TRHDE: variants seen among roughly 807,000 people sequenced by gnomAD.
TRHDE encodes thyrotropin releasing hormone degrading enzyme.
In TRHDE, 72 loss-of-function variants were observed where a neutral mutation model predicts 125.7. The ratio of observed to expected loss-of-function variants is 0.57; its 90% CI spans 0.47 to 0.70. The LOEUF is 0.70. TRHDE is among the 30% of genes least tolerant of loss of function. The pLI is 0.00. For synonymous variants in TRHDE, 509 were observed against 509.1 expected, an observed-to-expected ratio of 1.00 and a Z score of 0.00; for missense variants, 1,110 against 1,327.1, an observed-to-expected ratio of 0.84 and a Z score of 2.54.
At chr12:72,461,362 G>A (rs1243206477) in intron 3 of TRHDE, among the ~76,000 whole-genome samples, 2 of 152,104 alleles carry the variant, frequency 1.3e-5, no homozygotes, top group Non-Finnish European at 2.9e-5. Flanking sequence ...TACCTAACTG[G>A]TTTATGAGTA....
At chr12:72,638,636 C>T (rs1006893785) in intron 15 of TRHDE, among the ~76,000 whole-genome samples, 10 of 152,014 alleles carry the variant, frequency 6.6e-5, no homozygotes, top group African/African-American at 2.4e-4. Flanking sequence ...TTTGCAGCGG[C>T]TGGTACCGGT....
intron 1 of TRHDE, among the ~76,000 whole-genome samples, chr12:72,100,980 G>A (rs531139957): frequency 5.3e-5 from 8 of 152,274 alleles, no homozygotes; most frequent in South Asian, 2.1e-4. Flanking sequence ...AGCTGCATGC[G>A]ATGTACCCAA....
chr12:72,379,478 C>A (rs1872047724), intron 3 of TRHDE, among the ~76,000 whole-genome samples: 1 of 152,188 alleles, frequency 6.6e-6, no homozygotes. Context: ...ACCTCATTTG[C>A]ATGGAAGGTG....
At position 72,266,825 on chromosome 12, in the gene TRHDE, T is replaced by C. The variant is rs568079722; in HGVS notation, n.280-111170T>C. Among the ~76,000 whole-genome samples the C allele has an allele frequency of 3.3e-5, 5 of 152,198 alleles. No individual in the cohort carries two copies. The East Asian group carries it at 7.7e-4, about 23-fold the overall frequency. On this transcript the variant is annotated intron_variant and non_coding_transcript_variant, in intron 2 of 4. Transcript: ENST00000548156. The stretch of plus-strand genomic sequence containing the variant: ...CTGCCATCTACTAATTAAATGACTC[T>C]GGCCAAGATATTTAATCTTTTTCAG...
intron 2 of TRHDE, among the ~76,000 whole-genome samples, chr12:72,326,952 C>T (rs1222256066): frequency 2.6e-5 from 4 of 152,064 alleles, no homozygotes; most frequent in African/African-American, 9.6e-5. Context: ...ATATCTATAT[C>T]TATCTACACC....
chr12:72,290,349 C>G (rs536799579), intron 2 of TRHDE, among the ~76,000 whole-genome samples: 2 of 152,324 alleles, frequency 1.3e-5, no homozygotes, highest in African/African-American at 4.8e-5. Context: ...CTTTGCTTTG[C>G]TTCTCTGCAA....
At chr12:72,194,789 T>C (rs1877406988) in intron 2 of TRHDE, among the ~76,000 whole-genome samples, 1 of 152,132 alleles carries the variant, frequency 6.6e-6, no homozygotes, top group South Asian at 2.1e-4. Context: ...TTGATGGGTG[T>C]TTAGATTGAC....
At chr12:72,571,251 G>T (rs1242352698) in intron 10 of TRHDE, among the ~76,000 whole-genome samples, 1 of 152,036 alleles carries the variant, frequency 6.6e-6, no homozygotes, top group African/African-American at 2.4e-5. Context: ...AATGAAAACT[G>T]TTTTTCCACA....
chr12:72,492,455 C>T (rs537583259), intron 5 of TRHDE, among the ~76,000 whole-genome samples: 6 of 151,860 alleles, frequency 4.0e-5, no homozygotes, highest in Non-Finnish European at 8.8e-5. Flanking sequence ...TTCTAATTTT[C>T]ACAAATATGG....
chr12:72,626,182 G>C (rs576558789), intron 15 of TRHDE, among the ~76,000 whole-genome samples: 39 of 152,054 alleles, frequency 2.6e-4, no homozygotes, highest in African/African-American at 8.9e-4. Context: ...TGTTTTCAGA[G>C]TTGAGACACT....
At chr12:72,376,148 C>T (rs1302820454) in intron 2 of TRHDE, among the ~76,000 whole-genome samples, 1 of 152,116 alleles carries the variant, frequency 6.6e-6, no homozygotes, top group Non-Finnish European at 1.5e-5. Flanking sequence ...GTTCTCTTGC[C>T]TCAAGGCAGT....
intron 2 of TRHDE, among the ~76,000 whole-genome samples, chr12:72,362,063 T>G: frequency 1.2e-5 from 1 of 86,678 alleles, no homozygotes; most frequent in Non-Finnish European, 2.3e-5. Flanking sequence ...TTTATAGTCC[T>G]TTGGGTATAT....
intron 3 of TRHDE, among the ~76,000 whole-genome samples, chr12:72,399,581 A>G (rs1165221006): frequency 6.6e-6 from 1 of 152,180 alleles, no homozygotes; most frequent in Non-Finnish European, 1.5e-5. Flanking sequence ...ACTGATTTTT[A>G]TCATGAAAAA....
At chr12:72,340,593 C>T (rs1870037633) in intron 2 of TRHDE, among the ~76,000 whole-genome samples, 1 of 152,096 alleles carries the variant, frequency 6.6e-6, no homozygotes, top group South Asian at 2.1e-4. Context: ...AGGGACTCAA[C>T]TTCACTCTAT....
chr12:72,130,065 G>C (rs1875825466), intron 2 of TRHDE, among the ~76,000 whole-genome samples: 1 of 152,310 alleles, frequency 6.6e-6, no homozygotes, highest in South Asian at 2.1e-4. Flanking sequence ...ACTTTAGGGG[G>C]CTGAGGTGGG....
intron 15 of TRHDE, among the ~76,000 whole-genome samples, chr12:72,636,405 T>G (rs1465016179): frequency 7.9e-5 from 12 of 151,672 alleles, no homozygotes; most frequent in Non-Finnish European, 1.5e-4. Flanking sequence ...GATTTTGGGC[T>G]GAGACAATGG....
At position 72,667,293 on chromosome 12, in the gene TRHDE, T is replaced by C. The variant is rs889801788; in HGVS notation, c.*4098T>C. On this transcript the variant is annotated 3_prime_UTR_variant, in exon 19 of 19. Coordinates refer to ENST00000261180, the MANE Select transcript of TRHDE (RefSeq NM_013381.3). ...CTAATAAAGAAATAGTAAAAGCACA[T>C]ATAATGAAAAATAATTAAGATTTCT... The C allele has an allele frequency of 6.6e-6, 1 of 151,858 alleles. No homozygotes were observed. Among genetic ancestry groups the C allele is most frequent in the African/African-American group, 2.4e-5 (1 of 41,436 alleles). 9.4% of individuals were successfully genotyped at this position (151,858 alleles called of 1,614,324 possible). A position where few individuals can be genotyped will look rare whatever the true frequency, so the allele number is the denominator to read the frequency against.
At chr12:72,568,953 A>C (rs941366627) in intron 10 of TRHDE, among the ~76,000 whole-genome samples, 1 of 152,204 alleles carries the variant, frequency 6.6e-6, no homozygotes, top group African/African-American at 2.4e-5. Flanking sequence ...ACATGTAATT[A>C]AAATATAATT....
Position 72,550,766 on chromosome 12 carries a change from T to A in TRHDE, c.1788+8410T>A, listed in dbSNP as rs575911546. Among the ~76,000 whole-genome samples, 4 of 152,068 alleles carry A rather than the reference T, an allele frequency of 2.6e-5. No homozygotes were observed. In the South Asian group the frequency reaches 8.3e-4, roughly 31 times the overall value. On this transcript the variant is annotated intron_variant, in intron 7 of 18. Coordinates refer to ENST00000261180, the MANE Select transcript of TRHDE (RefSeq NM_013381.3). ...TTCATATATATTTTTAGGAGCATAG[T>A]ATCAATATTTTCTCCAAAATGTTAA...
Sources: allele counts gnomAD v4.1 joint callset (sites outside exome capture counted in the v4.1 genomes callset), GRCh38; gene constraint gnomAD v4.1.1; transcripts MANE v1.5; gene names NCBI Gene and HGNC (gene_info 2026-07-23, HGNC 2026-07-21).